Variants in NF2 observed in about 807,000 individuals in gnomAD.
The protein encoded by NF2 is merlin.
NF2 carries 8 observed loss-of-function variants against 83.7 expected under a neutral mutation model. The observed-to-expected ratio is 0.10, with a 90% confidence interval of 0.06 to 0.17. The LOEUF (loss-of-function observed/expected upper bound fraction) is 0.17. NF2 is among the 10% of genes least tolerant of loss of function. The probability of loss-of-function intolerance (pLI) is 1.00; values close to 1 mark genes in which losing one functional copy is unlikely to be tolerated. For synonymous variants in NF2, 266 were observed against 269.6 expected, an observed-to-expected ratio of 0.99 and a Z score of 0.13; for missense variants, 533 against 744.4, an observed-to-expected ratio of 0.72 and a Z score of 3.31.
chr22:29,666,738 A>G (rs2066634692), intron 9 of NF2, among the ~76,000 whole-genome samples: 2 of 152,228 alleles, frequency 1.3e-5, no homozygotes, highest in African/African-American at 4.8e-5. Context: ...GCACTTTGGG[A>G]GGCTGAGGCA....
intron 15 of NF2, among the ~76,000 whole-genome samples, chr22:29,690,511 T>C (rs943212905): frequency 6.6e-6 from 1 of 152,240 alleles, no homozygotes; most frequent in South Asian, 2.1e-4. Flanking sequence ...TGAGTCTCGA[T>C]GTTGGGCAGG....
intron 4 of NF2, among the ~76,000 whole-genome samples, chr22:29,643,962 CGGGGGGCTGA>C (rs1569285780): frequency 2.3e-5 from 3 of 127,926 alleles, no homozygotes; most frequent in South Asian, 2.4e-4. Flanking sequence ...GCTGGCCTGG[CGGGGGGCTGA>C]CCCCCCCACC....
rs532282271 is a variant in NF2 at position 29,649,523 on chromosome 22, G to A, written c.448-5134G>A. 9.2e-5 allele frequency among the ~76,000 whole-genome samples: 14 copies of A among 152,230 alleles called. No homozygotes were observed. The South Asian group carries it at 2.3e-3, about 25-fold the overall frequency. On this transcript the variant is annotated intron_variant, in intron 4 of 15. Transcript: ENST00000338641. ...TCGAGACCTGCCTGGGCAATATAGC[G>A]AGACCCCTTTCTCCAGAAAAAGGCA...
At chr22:29,611,581 AAG>A (rs2064954352) in intron 1 of NF2, among the ~76,000 whole-genome samples, 1 of 152,218 alleles carries the variant, frequency 6.6e-6, no homozygotes, top group Non-Finnish European at 1.5e-5. Flanking sequence ...GATTAGGAAA[AAG>A]AGAGATAAGT....
chr22:29,679,429 AT>A lies in NF2; in HGVS notation c.1574+1107del, dbSNP rs556165883. 7.2e-5 allele frequency among the ~76,000 whole-genome samples: 11 copies of A among 152,310 alleles called. 1 individual carries two copies. In the South Asian group the frequency reaches 2.1e-3, roughly 29 times the overall value. On this transcript the variant is annotated intron_variant, in intron 14 of 15. Coordinates refer to ENST00000338641, the MANE Select transcript of NF2 (RefSeq NM_000268.4). ...ATGTTCCTTTCACCATTATCCAGAC[AT>A]ATACATTTATGTGGTTGGGATCCGG...
rs117943290 is a variant in NF2 at position 29,686,121 on chromosome 22, G to A, written c.1737+4520G>A. 2.6e-3 allele frequency among the ~76,000 whole-genome samples: 390 copies of A among 152,316 alleles called. 1 individual carries two copies. Among genetic ancestry groups the A allele is most frequent in the Non-Finnish European group, 2.8e-3 (188 of 68,030 alleles). ...GGATAAAAATAGTCTTTGCCCCCAG[G>A]AGTGTTGTGAGGAATAAATGAGAGA... On this transcript the variant is annotated intron_variant, in intron 15 of 15. Transcript: ENST00000338641.
At chr22:29,679,573 A>G (rs2067067163) in intron 14 of NF2, among the ~76,000 whole-genome samples, 1 of 152,200 alleles carries the variant, frequency 6.6e-6, no homozygotes, top group South Asian at 2.1e-4. Flanking sequence ...AAACAACAGA[A>G]ATTTATTTCT....
intron 4 of NF2, among the ~76,000 whole-genome samples, chr22:29,651,104 A>G (rs2066135620): frequency 6.6e-6 from 1 of 152,170 alleles, no homozygotes; most frequent in South Asian, 2.1e-4. Context: ...TTATAGGTTT[A>G]AGAATTTATT....
intron 15 of NF2, among the ~76,000 whole-genome samples, chr22:29,693,759 T>G (rs2067469203): frequency 6.6e-6 from 1 of 152,138 alleles, no homozygotes; most frequent in Admixed American, 6.6e-5. Context: ...TAACAAACAT[T>G]GAGCTCCTGA....
At chr22:29,668,936 C>G (rs570928240) in intron 10 of NF2, among the ~76,000 whole-genome samples, 30 of 152,346 alleles carry the variant, frequency 2.0e-4, no homozygotes, top group African/African-American at 6.3e-4. Flanking sequence ...CCAGGAGGTG[C>G]CAGGAGCATC....
intron 4 of NF2, among the ~76,000 whole-genome samples, chr22:29,650,091 T>A (rs1315060266): frequency 6.6e-6 from 1 of 152,110 alleles, no homozygotes; most frequent in African/African-American, 2.4e-5. Context: ...TGATGGCTAG[T>A]GGGTACAGGA....
chr22:29,667,263 G>C (rs1392458540), intron 9 of NF2, among the ~76,000 whole-genome samples: 1 of 151,626 alleles, frequency 6.6e-6, no homozygotes, highest in Non-Finnish European at 1.5e-5. Flanking sequence ...TTTGAGATAG[G>C]GTCTCACTCT....
intron 9 of NF2, among the ~76,000 whole-genome samples, chr22:29,665,300 G>T (rs1262942657): frequency 1.3e-5 from 2 of 151,700 alleles, no homozygotes; most frequent in African/African-American, 4.8e-5. Context: ...GAGTGCAGTG[G>T]CAGTGCCATC....
chr22:29,692,430 C>A (rs2067431885), intron 15 of NF2, among the ~76,000 whole-genome samples: 3 of 152,230 alleles, frequency 2.0e-5, no homozygotes, highest in Admixed American at 2.0e-4. Context: ...TCCTAATAAG[C>A]ACATGCTCGA....
chr22:29,624,532 G>C (rs549477756), intron 1 of NF2, among the ~76,000 whole-genome samples: 1 of 152,162 alleles, frequency 6.6e-6, no homozygotes, highest in East Asian at 1.9e-4. Context: ...ACATGAATGA[G>C]GTGGACCTTT....
chr22:29,625,632 G>A (rs1233262375), intron 1 of NF2, among the ~76,000 whole-genome samples: 1 of 152,166 alleles, frequency 6.6e-6, no homozygotes, highest in African/African-American at 2.4e-5. Context: ...CACATGTTTA[G>A]GACATTTTTA....
rs541028058 is a variant in NF2, at chr22:29,643,580, C to T, written c.447+1295C>T. On this transcript the variant is annotated intron_variant, in intron 4 of 15. Coordinates refer to ENST00000338641, the MANE Select transcript of NF2 (RefSeq NM_000268.4). ...CATTTAACCCTGAGTGGACATAGCACATGTTTCAGAGAGCACAGGGTTGGG... is the reference window on the plus strand; with the variant it reads ...CATTTAACCCTGAGTGGACATAGCATATGTTTCAGAGAGCACAGGGTTGGG... Among the ~76,000 whole-genome samples the T allele has an allele frequency of 1.9e-4, 29 of 152,318 alleles. No individual in the cohort carries two copies. In the East Asian group the frequency reaches 5.6e-3, roughly 29 times the overall value.
In NF2 at chr22:29,667,332, A is replaced by T. The variant is rs562980022; in HGVS notation, c.886-1001A>T. Among the ~76,000 whole-genome samples the T allele has an allele frequency of 3.2e-4, 48 of 152,106 alleles. 1 individual carries two copies. In the South Asian group the frequency reaches 9.8e-3, roughly 31 times the overall value. On this transcript the variant is annotated intron_variant, in intron 9 of 15. Coordinates refer to ENST00000338641, the MANE Select transcript of NF2 (RefSeq NM_000268.4). ...GTCTCACTGCAGCATGGACCTGCCC[A>T]GGCTCAGTGATCCTCCCACCTCACC...
intron 10 of NF2, among the ~76,000 whole-genome samples, chr22:29,669,714 G>GC (rs916329542): frequency 6.6e-6 from 1 of 152,178 alleles, no homozygotes; most frequent in Non-Finnish European, 1.5e-5. Context: ...GCACAGCAGA[G>GC]CCACAAACCT....
Sources: gnomAD v4.1 joint callset for allele counts (sites outside exome capture counted in the v4.1 genomes callset) on GRCh38, gnomAD v4.1.1 for gene constraint, MANE v1.5 for transcripts, NCBI Gene and HGNC (gene_info 2026-07-23, HGNC 2026-07-21) for gene names.